Variants in DMD observed in about 807,000 individuals in gnomAD.
The protein encoded by DMD is dystrophin, also known as mutant dystrophin.
In DMD, 63 loss-of-function variants were observed where a neutral mutation model predicts 330.1. The observed-to-expected ratio is 0.19, with a 90% CI of 0.16 to 0.24. The LOEUF (loss-of-function observed/expected upper bound fraction) is 0.24. Ranked by LOEUF, DMD falls within the 10% of genes least tolerant of loss-of-function variation. The pLI is 1.00. For missense variants in DMD, 3,344 were observed against 2,684.1 expected (o/e 1.25, Z -5.43); for synonymous variants, 1,223 against 959.8 (o/e 1.27, Z -5.07).
Position 32,197,155 on chromosome X carries a change from C to T in DMD, c.6438+19761G>A, listed in dbSNP as rs185032328. ...ATGAGCTTAAATATTAGCTTATCTTCGGGTCCCTCTCTTTTTTATTTTAAT... is the reference window on the plus strand; with the variant it reads ...ATGAGCTTAAATATTAGCTTATCTTTGGGTCCCTCTCTTTTTTATTTTAAT... On this transcript the variant is annotated intron_variant, in intron 44 of 78. Coordinates refer to ENST00000357033, the MANE Select transcript of DMD (RefSeq NM_004006.3). Among the ~76,000 whole-genome samples the T allele has an allele frequency of 1.5e-4, 17 of 110,140 alleles. No individual in the cohort carries two copies. The East Asian group carries it at 4.3e-3, about 28-fold the overall frequency.
At chrX:31,256,035 CAA>C (rs765860746) in intron 63 of DMD, among the ~76,000 whole-genome samples, 3 of 110,560 alleles carry the variant, frequency 2.7e-5, no homozygotes, top group Middle Eastern at 4.2e-3. Context: ...CTCGACCTCC[CAA>C]AGTGCTGGGA....
chrX:31,140,287 T>C (rs2035878579), intron 76 of DMD, among the ~76,000 whole-genome samples: 1 of 112,700 alleles, frequency 8.9e-6, no homozygotes, highest in African/African-American at 3.2e-5. Flanking sequence ...TACTCCTGTG[T>C]TTTTGTCTGA....
intron 74 of DMD, among the ~76,000 whole-genome samples, chrX:31,167,412 C>T (rs1027460777): frequency 1.3e-4 from 15 of 111,657 alleles, no homozygotes; most frequent in Non-Finnish European, 2.8e-4. Context: ...TTCTTTGACC[C>T]GGGTGCAATG....
chrX:33,337,801 T>C (rs1293277401), intron 1 of DMD, among the ~76,000 whole-genome samples: 1 of 111,881 alleles, frequency 8.9e-6, no homozygotes, highest in Non-Finnish European at 1.9e-5. Context: ...AATACGTAAT[T>C]GAAAACCATG....
At chrX:32,450,802 T>G (rs1368017543) in intron 26 of DMD, among the ~76,000 whole-genome samples, 9 of 111,107 alleles carry the variant, frequency 8.1e-5, no homozygotes, top group African/African-American at 2.9e-4. Context: ...CCCAAGCAAC[T>G]ATATAAAAAT....
At chrX:32,238,439 AT>A (rs1603628894) in intron 43 of DMD, among the ~76,000 whole-genome samples, 1 of 99,924 alleles carries the variant, frequency 1.0e-5, no homozygotes, top group African/African-American at 3.8e-5. Flanking sequence ...AGAAGAAGCA[AT>A]GCATGAGAGA....
intron 62 of DMD, among the ~76,000 whole-genome samples, chrX:31,278,021 A>AT (rs2052302556): frequency 3.8e-5 from 1 of 26,618 alleles, no homozygotes; most frequent in Non-Finnish European, 6.0e-5. Flanking sequence ...AAATTAAAAA[A>AT]AAAAAAAAAA....
intron 42 of DMD, among the ~76,000 whole-genome samples, chrX:32,299,840 G>T (rs746233038): frequency 2.7e-5 from 3 of 110,996 alleles, no homozygotes; most frequent in Non-Finnish European, 5.7e-5. Context: ...TTCAAGATTA[G>T]TCCAGATTCC....
intron 59 of DMD, among the ~76,000 whole-genome samples, chrX:31,449,443 G>C (rs1277076936): frequency 9.0e-6 from 1 of 110,827 alleles, no homozygotes; most frequent in Non-Finnish European, 1.9e-5. Flanking sequence ...TGTAAGCATG[G>C]GGAAAACAGT....
intron 59 of DMD, among the ~76,000 whole-genome samples, chrX:31,448,011 C>CAAAAAAAAAAAA (rs1198070119): frequency 2.8e-5 from 1 of 35,303 alleles, no homozygotes; most frequent in Non-Finnish European, 5.7e-5. Context: ...ACTCTGTCTC[C>CAAAAAAAAAAAA]AAAAAAAAAA....
At chrX:31,371,698 C>G (rs991350027) in intron 60 of DMD, among the ~76,000 whole-genome samples, 15 of 111,496 alleles carry the variant, frequency 1.3e-4, no homozygotes, top group African/African-American at 4.9e-4. Context: ...CAGCAGGTAT[C>G]AAGATTTGGA....
chrX:33,214,318 A>T (rs934673876), upstream of DMD, among the ~76,000 whole-genome samples: 2 of 111,447 alleles, frequency 1.8e-5, no homozygotes, highest in Non-Finnish European at 3.8e-5. Flanking sequence ...GAATAAGTTT[A>T]TCTACAAATA....
At chrX:32,796,231 T>C (rs954798850) in intron 7 of DMD, among the ~76,000 whole-genome samples, 4 of 111,443 alleles carry the variant, frequency 3.6e-5, no homozygotes, top group Non-Finnish European at 5.7e-5. Flanking sequence ...AAGTGTCCAT[T>C]AGTGAACAAA....
At chrX:33,077,913 T>C (rs1364417607) in intron 1 of DMD, among the ~76,000 whole-genome samples, 2 of 112,498 alleles carry the variant, frequency 1.8e-5, no homozygotes, top group Non-Finnish European at 3.7e-5. Flanking sequence ...ATAGAAATGA[T>C]TTGCTTATAA....
chrX:32,626,319 T>TCCACCAC (rs1569335653), intron 11 of DMD, among the ~76,000 whole-genome samples: 8 of 104,588 alleles, frequency 7.6e-5, no homozygotes, highest in African/African-American at 3.2e-4. Context: ...ATACAAAAAT[T>TCCACCAC]AGCTGGGCGT....
At chrX:31,927,931 A>G (rs1331589846) in intron 47 of DMD, among the ~76,000 whole-genome samples, 3 of 112,251 alleles carry the variant, frequency 2.7e-5, no homozygotes, top group Non-Finnish European at 5.6e-5. Context: ...AAAAATAGAC[A>G]ATATAGTTCT....
intron 51 of DMD, among the ~76,000 whole-genome samples, chrX:31,733,013 A>G (rs1278715229): frequency 9.0e-6 from 1 of 111,612 alleles, no homozygotes; most frequent in Non-Finnish European, 1.9e-5. Context: ...ACACAGGAGA[A>G]GGAAGGAATC....
At chrX:32,197,075 A>G (rs1424856041) in intron 44 of DMD, among the ~76,000 whole-genome samples, 1 of 109,704 alleles carries the variant, frequency 9.1e-6, no homozygotes, top group Non-Finnish European at 1.9e-5. Flanking sequence ...CTCCCCCAAC[A>G]TCTGGTTTTA....
chrX:32,088,212 A>G (rs116109328), intron 44 of DMD, among the ~76,000 whole-genome samples: 1,848 of 112,004 alleles, frequency 0.016, 40 homozygotes, highest in African/African-American at 0.053. Context: ...AGCTTTATGC[A>G]TATCAGGCAC....
Sources: allele counts gnomAD v4.1 joint callset (sites outside exome capture counted in the v4.1 genomes callset), GRCh38; gene constraint gnomAD v4.1.1; transcripts MANE v1.5; gene names NCBI Gene and HGNC (gene_info 2026-07-23, HGNC 2026-07-21).